LHX3: variants seen among roughly 807,000 people sequenced by gnomAD.
LHX3 encodes LIM homeobox 3, also known as LIM/homeobox protein Lhx3.
In LHX3, 21 loss-of-function variants were observed where a neutral mutation model predicts 32.4. That is an observed-to-expected ratio of 0.65 (90% CI 0.46 to 0.93). The LOEUF is 0.93. Among genes scored for constraint, LHX3 ranks in the 40% least tolerant of loss-of-function variants. The pLI is 0.00. For missense variants in LHX3, 626 were observed against 560.0 expected (o/e 1.12, Z -1.19); for synonymous variants, 258 against 246.8 (o/e 1.05, Z -0.43).
In LHX3 at chr9:136,198,695, G is replaced by A; in HGVS notation, c.732C>T (p.Ser244=). The A allele has an allele frequency of 1.9e-6, 3 of 1,610,568 alleles. No individual in the cohort carries two copies. The highest frequency in any genetic ancestry group is 2.5e-6 in the Non-Finnish European group (3 of 1,179,598). The change falls in exon 5 of 6, where the codon AGC becomes AGT. Residue 244 remains serine, a synonymous_variant. Transcript: ENST00000371748. ...CGTCGCTGTCCTGCCCCTCCTGAAC[G>A]CTGTCCTTGTCCGACTTGGAGCCGC... is the stretch of plus-strand genomic sequence containing the variant. The part of the protein sequence containing the change: ...SRGGSKSDKD[S]VQEGQDSDAE...
chr9:136,201,358 C>T, intron 1 of LHX3: 1 of 1,240,808 alleles, frequency 8.1e-7, no homozygotes, highest in Non-Finnish European at 1.0e-6. Flanking sequence ...CGATCCACTG[C>T]CTTTGTGTCA....
intron 1 of LHX3, among the ~76,000 whole-genome samples, chr9:136,203,808 A>C (rs1301002036): frequency 6.6e-6 from 1 of 152,202 alleles, no homozygotes; most frequent in Non-Finnish European, 1.5e-5. Context: ...TCCAGCCCCC[A>C]GCACTCCGGC....
chr9:136,202,143 T>TCCTC (rs997340291), intron 1 of LHX3, among the ~76,000 whole-genome samples: 3 of 151,902 alleles, frequency 2.0e-5, no homozygotes, highest in African/African-American at 4.8e-5. Context: ...CAGTCCTCCT[T>TCCTC]CCTCCCTCCC....
chr9:136,202,982 G>A, intron 1 of LHX3: 1 of 1,527,838 alleles, frequency 6.5e-7, no homozygotes, highest in Non-Finnish European at 8.7e-7. Context: ...AGCAGTGCTA[G>A]CAGCAGGTCG....
intron 3 of LHX3, 89 bp from the exon 4 acceptor site, chr9:136,199,148 CG>C (rs1423140144): frequency 2.7e-6 from 2 of 728,524 alleles, no homozygotes; most frequent in African/African-American, 1.9e-5. Flanking sequence ...GCGGGGACGT[CG>C]GGGCCTCAGG....
At position 136,197,202 on chromosome 9, in the gene LHX3, C is replaced by T. The variant is rs1831510326; in HGVS notation, c.*123G>A. 3 of 1,044,686 alleles carry T rather than the reference C, an allele frequency of 2.9e-6. No homozygotes were observed. Among genetic ancestry groups the T allele is most frequent in the Non-Finnish European group, 4.3e-6 (3 of 697,586 alleles). 64.7% of individuals were successfully genotyped at this position (1,044,686 alleles called of 1,614,324 possible). On this transcript the variant is annotated 3_prime_UTR_variant, in exon 6 of 6. Transcript: ENST00000371748. ...GAGCTGTGCGGTCGGCAGTGGGAGG[C>T]TCCGAAGGCACCAGCCCTCCCTTGA...
rs888599367 is a variant in LHX3, at chr9:136,197,516, A to G, written c.1003T>C (p.Ser335Pro). Residue 335 changes from serine to proline, a missense_variant, in exon 6 of 6, where the codon TCC becomes CCC. By Grantham distance (74) the Ser-to-Pro change is moderately conservative. Transcript: ENST00000371748. The part of the protein sequence containing the change: ...QSLPGPQPLL[S>P]SLVYPDTSLG... ...CTGGTGTCTGGGTACACCAGGCTGG[A>G]GAGGAGGGGCTGGGGGCCAGGGAGG... 3.7e-5 allele frequency: 57 copies of G among 1,536,952 alleles called. No homozygotes were observed. Among genetic ancestry groups the G allele is most frequent in the Non-Finnish European group, 4.7e-5 (53 of 1,138,364 alleles).
At position 136,205,073 on chromosome 9, in the gene LHX3, G is replaced by T. The variant is rs943319705; in HGVS notation, c.-61C>A. On this transcript the variant is annotated 5_prime_UTR_variant, in exon 1 of 6. Coordinates refer to ENST00000371748, the MANE Select transcript of LHX3 (RefSeq NM_178138.6). ...CTCCTAGGTCAGCGTCCCCTGGAGG[G>T]TTCGGGGCTCCCAAGTCCCGCCGCG... 4.3e-6 allele frequency: 6 copies of T among 1,406,246 alleles called. No individual in the cohort carries two copies. The highest frequency in any genetic ancestry group is 5.8e-6 in the Non-Finnish European group (6 of 1,037,552). 87.1% of individuals were successfully genotyped at this position (1,406,246 alleles called of 1,614,324 possible). A position where few individuals can be genotyped will look rare whatever the true frequency, so the allele number is the denominator to read the frequency against.
intron 5 of LHX3, 24 bp downstream of exon 5, chr9:136,198,627 CG>C (rs1488293052): frequency 1.7e-5 from 26 of 1,560,922 alleles, no homozygotes; most frequent in Non-Finnish European, 2.2e-5. Context: ...CGTCCCCCCC[CG>C]AGCTCCGCGA....
chr9:136,201,390 G>A (rs1369214572), intron 1 of LHX3: 9 of 1,235,044 alleles, frequency 7.3e-6, no homozygotes, highest in Non-Finnish European at 9.1e-6. Context: ...CCCCAACACC[G>A]TCAGAGTTAC....
At chr9:136,203,198 G>T in intron 1 of LHX3, 2 of 1,081,036 alleles carry the variant, frequency 1.9e-6, no homozygotes, top group Non-Finnish European at 2.3e-6. Flanking sequence ...CTGGCCGAGC[G>T]GAGGGCGGAG....
At chr9:136,203,938 G>T (rs1398557440) in intron 1 of LHX3, among the ~76,000 whole-genome samples, 1 of 152,200 alleles carries the variant, frequency 6.6e-6, no homozygotes, top group Non-Finnish European at 1.5e-5. Flanking sequence ...CTGCCCAGAG[G>T]GCCCTGGGCC....
intron 1 of LHX3, 65 bp downstream of exon 1, chr9:136,204,869 C>G (rs1041857774): frequency 3.0e-6 from 4 of 1,351,570 alleles, no homozygotes; most frequent in African/African-American, 1.4e-5. Flanking sequence ...GCCCTGCACG[C>G]ACCCCCTTCC....
intron 2 of LHX3, 98 bp downstream of exon 2, chr9:136,200,484 C>T: frequency 7.4e-7 from 1 of 1,349,132 alleles, no homozygotes; most frequent in Non-Finnish European, 1.0e-6. Context: ...GCGAGAGACG[C>T]AGGCTTCGAG....
chr9:136,197,360 A>C lies in LHX3; in HGVS notation c.1159T>G (p.Ser387Ala), dbSNP rs1399257069. ...GYPDFPASPA[S>A]WLDEVDHAQF is the part of the protein sequence containing the mutation. ...GCGTGGTCTACCTCATCCAGCCAGGAGGCGGGGCTGGCAGGGAAGTCGGGG... is the reference window on the plus strand; with the variant it reads ...GCGTGGTCTACCTCATCCAGCCAGGCGGCGGGGCTGGCAGGGAAGTCGGGG... Residue 387 changes from serine (S) to alanine (A), a missense_variant, in exon 6 of 6, where the codon TCC (serine) becomes GCC (alanine). Physicochemically the swap from Ser to Ala is moderately conservative, Grantham distance 99. Transcript: ENST00000371748. The C allele has an allele frequency of 6.2e-7, 1 of 1,612,086 alleles. No homozygotes were observed. The highest frequency in any genetic ancestry group is 8.5e-7 in the Non-Finnish European group (1 of 1,179,910).
rs908351605 is a variant in LHX3 at position 136,197,229 on chromosome 9, G to A, written c.*96C>T. ...CCGAAGGCACCAGCCCTCCCTTGACGCCCTGGCCCCACTTCCTCGGAAACC... is the reference window on the plus strand; with the variant it reads ...CCGAAGGCACCAGCCCTCCCTTGACACCCTGGCCCCACTTCCTCGGAAACC... On this transcript the variant is annotated 3_prime_UTR_variant, in exon 6 of 6. Coordinates refer to ENST00000371748, the MANE Select transcript of LHX3 (RefSeq NM_178138.6). 5 of 1,340,876 alleles carry A rather than the reference G, an allele frequency of 3.7e-6. No homozygotes were observed. In the South Asian group the frequency reaches 4.9e-5, roughly 13 times the overall value. The allele number at this position is 1,340,876 out of a possible 1,614,324, so 83.1% of individuals were successfully genotyped here.
Position 136,200,763 on chromosome 9 carries a change from C to T in LHX3, c.80-10G>A, listed in dbSNP as rs555766551. 1.8e-5 allele frequency: 29 copies of T among 1,613,178 alleles called. No individual in the cohort carries two copies. In the South Asian group the frequency reaches 2.2e-4, roughly 12 times the overall value. On this transcript the variant is annotated splice_polypyrimidine_tract_variant and intron_variant, in intron 1 of 5. Transcript: ENST00000371748. ...GCGCACAGCGGGATCTCTGTGGGCA[C>T]GAGGAAGTTCTGGGTCACCTCGTAG...
chr9:136,204,944 G>A lies in LHX3; in HGVS notation c.69C>T (p.Gly23=), dbSNP rs1312181472. Reference sequence around the variant, plus strand: ...CCTGCTGGGGCTTACCCCGAGTCCCGCCCAAGGTGCAGACGGCGGCGGCCC... The same window carrying A: ...CCTGCTGGGGCTTACCCCGAGTCCCACCCAAGGTGCAGACGGCGGCGGCCC... ...RPGAAAVCTL[G]GTREIPLCAG... The change falls in exon 1 of 6, where the codon GGC becomes GGT. Residue 23 remains glycine, a synonymous_variant. Coordinates refer to ENST00000371748, the MANE Select transcript of LHX3 (RefSeq NM_178138.6). 3.2e-5 allele frequency: 52 copies of A among 1,601,046 alleles called. No homozygotes were observed. The highest frequency in any genetic ancestry group is 4.3e-5 in the Non-Finnish European group (51 of 1,175,716).
rs1340466841 is a variant in LHX3, at chr9:136,196,348, G to A, written c.*977C>T. The A allele has an allele frequency of 1.3e-5, 2 of 152,424 alleles. No homozygotes were observed. Among genetic ancestry groups the A allele is most frequent in the East Asian group, 1.9e-4 (1 of 5,334 alleles). The allele number at this position is 152,424 out of a possible 1,614,324, so 9.4% of individuals were successfully genotyped here. ...CATTCACAGAACCAATAGGTAGCTC[G>A]AGATTCAGGTTTGCGGGAGTGACTT... On this transcript the variant is annotated 3_prime_UTR_variant, in exon 6 of 6. Coordinates refer to ENST00000371748, the MANE Select transcript of LHX3 (RefSeq NM_178138.6).
Sources: gnomAD v4.1 joint callset for allele counts (sites outside exome capture counted in the v4.1 genomes callset) on GRCh38, gnomAD v4.1.1 for gene constraint, MANE v1.5 for transcripts, NCBI Gene and HGNC (gene_info 2026-07-23, HGNC 2026-07-21) for gene names.